Variants in ZNF184 observed in about 807,000 individuals in gnomAD.
ZNF184 encodes the protein zinc finger protein 184 (Kruppel-like).
A neutral mutation model predicts 54.4 loss-of-function variants in ZNF184; 16 were observed. That is an observed-to-expected ratio of 0.29 (90% CI 0.20 to 0.45). ZNF184 has a LOEUF of 0.45. ZNF184 is among the 20% of genes least tolerant of loss of function. The pLI is 1.00. For missense variants in ZNF184, 681 were observed against 888.2 expected (o/e 0.77, Z 2.97); for synonymous variants, 254 against 295.3 (o/e 0.86, Z 1.43).
the ZNF184 span, among the ~76,000 whole-genome samples, chr6:27,428,432 C>G: frequency 6.6e-6 from 1 of 152,220 alleles, no homozygotes; most frequent in South Asian, 2.1e-4. This position sits in a 1 kb window ranked among gnomAD's most constrained non-coding sequence, Gnocchi z 4.1. Flanking sequence ...AGGTTCACCT[C>G]CTTCTGGGAC....
At chr6:27,420,045 G>T in the ZNF184 span, among the ~76,000 whole-genome samples, 2 of 152,052 alleles carry the variant, frequency 1.3e-5, no homozygotes, top group African/African-American at 2.4e-5. Context: ...ATGCTTTATT[G>T]CCTGTCAATC....
chr6:27,436,725 C>A, the ZNF184 span, among the ~76,000 whole-genome samples: 132 of 152,304 alleles, frequency 8.7e-4, no homozygotes, highest in African/African-American at 3.1e-3. Context: ...TTTGCATTAT[C>A]TCACTTATAT....
chr6:27,428,278 TTTCCAC>T, the ZNF184 span, among the ~76,000 whole-genome samples: 36 of 152,212 alleles, frequency 2.4e-4, no homozygotes, highest in African/African-American at 8.4e-4. This position sits in a 1 kb window ranked among gnomAD's most constrained non-coding sequence, Gnocchi z 4.1. Context: ...AAAGCAGTTA[TTTCCAC>T]TGTCTCTTTA....
rs1215111308 is a variant in ZNF184, at chr6:27,453,414, G to A, written c.299-154C>T. ...TATTATTTGGGGAGAAAGTTGGAAGGAGCTAAGGAGAATTATAAATAAAAT... is the reference window on the plus strand; with the variant it reads ...TATTATTTGGGGAGAAAGTTGGAAGAAGCTAAGGAGAATTATAAATAAAAT... On this transcript the variant is annotated intron_variant, in intron 5 of 5. Coordinates refer to ENST00000683788, the MANE Select transcript of ZNF184 (RefSeq NM_001318891.2). The surrounding 1 kb of genome is among the most constrained non-coding windows in gnomAD (Gnocchi z 4.7). Among the ~76,000 whole-genome samples, 1 of 152,138 alleles carries A rather than the reference G, an allele frequency of 6.6e-6. No individual in the cohort carries two copies. Among genetic ancestry groups the A allele is most frequent in the Non-Finnish European group, 1.5e-5 (1 of 68,034 alleles).
the ZNF184 span, among the ~76,000 whole-genome samples, chr6:27,411,471 A>T: frequency 6.6e-6 from 1 of 152,210 alleles, no homozygotes; most frequent in Non-Finnish European, 1.5e-5. Flanking sequence ...ACTTACATGT[A>T]AGCTATTAGG....
At chr6:27,404,364 C>A in the ZNF184 span, 1 of 152,176 alleles carries the variant, frequency 6.6e-6, no homozygotes, top group African/African-American at 2.4e-5. Flanking sequence ...TTTCATAACA[C>A]CTAGTATACA....
chr6:27,412,058 C>G, the ZNF184 span, among the ~76,000 whole-genome samples: 1 of 152,208 alleles, frequency 6.6e-6, no homozygotes, highest in South Asian at 2.1e-4. Context: ...GCTGTGGGCA[C>G]TCCTAGAAGA....
At chr6:27,446,391 A>T (rs116686300), downstream of ZNF184, among the ~76,000 whole-genome samples, 4,981 of 152,280 alleles carry the variant, frequency 0.033, 101 homozygotes, top group African/African-American at 0.046. Context: ...GTATGGCTTG[A>T]TCCAGAAAAT....
At chr6:27,450,051 C>G (rs1351589258), downstream of ZNF184, among the ~76,000 whole-genome samples, 1 of 152,080 alleles carries the variant, frequency 6.6e-6, no homozygotes, top group African/African-American at 2.4e-5. Flanking sequence ...GGAATGTGGT[C>G]TGGAATAGCT....
chr6:27,439,390 G>A, the ZNF184 span, among the ~76,000 whole-genome samples: 3 of 152,100 alleles, frequency 2.0e-5, no homozygotes, highest in Admixed American at 6.5e-5. Flanking sequence ...CATGCCATCC[G>A]GTTTCATCCC....
the ZNF184 span, among the ~76,000 whole-genome samples, chr6:27,430,172 T>C: frequency 1.3e-5 from 2 of 152,164 alleles, no homozygotes; most frequent in African/African-American, 4.8e-5. Context: ...CACACGGGGA[T>C]TTTATCTTCT....
the ZNF184 span, among the ~76,000 whole-genome samples, chr6:27,419,539 TAG>T: frequency 2.0e-5 from 3 of 148,012 alleles, no homozygotes; most frequent in Non-Finnish European, 3.0e-5. The surrounding 1 kb of genome is among the most constrained non-coding windows in gnomAD (Gnocchi z 4.8). Flanking sequence ...GATAGATAGA[TAG>T]ATAGATAGAT....
chr6:27,410,939 T>G, the ZNF184 span, among the ~76,000 whole-genome samples: 1 of 152,148 alleles, frequency 6.6e-6, no homozygotes, highest in African/African-American at 2.4e-5. Context: ...AGAAACTAGG[T>G]GGGAAGCTGG....
At chr6:27,457,475 A>G in intron 3 of ZNF184, 66 bp from the exon 4 acceptor site, 1 of 1,568,378 alleles carries the variant, frequency 6.4e-7, no homozygotes, top group Middle Eastern at 1.7e-4. Context: ...AAAGTTAGCA[A>G]TACTGACAGA....
chr6:27,465,125 T>G (rs949723801), intron 3 of ZNF184, among the ~76,000 whole-genome samples: 3 of 148,886 alleles, frequency 2.0e-5, no homozygotes, highest in African/African-American at 7.5e-5. Flanking sequence ...CTTGAACTTC[T>G]CAGCTTACAA....
the ZNF184 span, among the ~76,000 whole-genome samples, chr6:27,418,550 T>G: frequency 6.6e-6 from 1 of 152,260 alleles, no homozygotes; most frequent in Non-Finnish European, 1.5e-5. Flanking sequence ...ACAATAATTT[T>G]AATTTTTTCT....
intron 5 of ZNF184, 57 bp downstream of exon 5, chr6:27,456,769 C>G: frequency 6.9e-7 from 1 of 1,451,184 alleles, no homozygotes. Context: ...AAAATCCTCT[C>G]TTATCAGGCT....
downstream of ZNF184, among the ~76,000 whole-genome samples, chr6:27,449,230 T>C (rs747863050): frequency 3.0e-4 from 46 of 152,348 alleles, no homozygotes; most frequent in Non-Finnish European, 4.4e-4. Context: ...ATCTTGGACA[T>C]TGAAACATCC....
intron 3 of ZNF184, among the ~76,000 whole-genome samples, chr6:27,459,355 T>C (rs1445466042): frequency 6.6e-6 from 1 of 151,886 alleles, no homozygotes; most frequent in African/African-American, 2.4e-5. Context: ...CATGGATATG[T>C]ACAATTATTA....
Sources: gnomAD v4.1 joint callset for allele counts (sites outside exome capture counted in the v4.1 genomes callset) on GRCh38, gnomAD v4.1.1 for gene constraint, Gnocchi (gnomAD v3.1) non-coding constraint, MANE v1.5 for transcripts, NCBI Gene and HGNC (gene_info 2026-07-23, HGNC 2026-07-21) for gene names.